The following SNUPN variants were observed in gnomAD, a reference collection of about 807,000 sequenced individuals.
SNUPN encodes snurportin 1.
A neutral mutation model predicts 39.2 loss-of-function variants in SNUPN; 31 were observed. The ratio of observed to expected loss-of-function variants is 0.79; its 90% CI spans 0.59 to 1.07. The LOEUF is 1.07. Ranked by LOEUF, SNUPN falls within the 50% of genes least tolerant of loss-of-function variation. The pLI is 0.00. For missense variants in SNUPN, 382 were observed against 434.2 expected, an observed-to-expected ratio of 0.88 and a Z score of 1.07; for synonymous variants, 132 against 159.0, an observed-to-expected ratio of 0.83 and a Z score of 1.28.
At chr15:75,616,617 G>A (rs1353466046) in intron 3 of SNUPN, among the ~76,000 whole-genome samples, 1 of 152,094 alleles carries the variant, frequency 6.6e-6, no homozygotes, top group East Asian at 1.9e-4. Context: ...AAAGGCAGGG[G>A]AGAATTCTGA....
intron 6 of SNUPN, 132 bp from the exon 7 acceptor site, chr15:75,605,359 T>G (rs972625597): frequency 5.4e-6 from 3 of 554,222 alleles, no homozygotes; most frequent in East Asian, 6.7e-5. Context: ...CAGGCTGGAG[T>G]GCAATGGTAC....
At chr15:75,604,516 A>G (rs1214177347) in intron 7 of SNUPN, among the ~76,000 whole-genome samples, 1 of 152,190 alleles carries the variant, frequency 6.6e-6, no homozygotes, top group African/African-American at 2.4e-5. Context: ...CTGCAGGGCT[A>G]ATAAAATGCC....
chr15:75,617,467 C>G lies in SNUPN; in HGVS notation c.244G>C (p.Asp82His). 6.2e-7 allele frequency: 1 copy of G among 1,614,034 alleles called. No homozygotes were observed. Among genetic ancestry groups the G allele is most frequent in the Non-Finnish European group, 8.5e-7 (1 of 1,180,000 alleles). The change falls in exon 3 of 9, where the codon GAT becomes CAT. Residue 82 changes from aspartate to histidine, a missense_variant. Coordinates refer to ENST00000308588, the MANE Select transcript of SNUPN (RefSeq NM_005701.4). ...GMESEEENKK[D>H]DEEMDIDTVK... ...GTGTCAATGTCCATTTCTTCATCATCTTTCTTATTTTCTTCCTCACTCTCC... is the reference window on the plus strand; with the variant it reads ...GTGTCAATGTCCATTTCTTCATCATGTTTCTTATTTTCTTCCTCACTCTCC...
At chr15:75,624,294 C>T (rs2141382504) in intron 1 of SNUPN, among the ~76,000 whole-genome samples, 1 of 151,410 alleles carries the variant, frequency 6.6e-6, no homozygotes, top group East Asian at 2.0e-4. Flanking sequence ...ATCCAAAGCA[C>T]CTTTATTAGG....
chr15:75,608,568 G>A (rs1284463995), intron 5 of SNUPN, among the ~76,000 whole-genome samples: 1 of 152,158 alleles, frequency 6.6e-6, no homozygotes, highest in Non-Finnish European at 1.5e-5. Context: ...AGAACCTAAG[G>A]TTACAACAAT....
Position 75,603,357 on chromosome 15 carries a change from AT to A in SNUPN, c.678+1792del, listed in dbSNP as rs536509992. ...CTACCGCACTCGGCCTGGCCCAGGT[AT>A]TTTTTTTAAAGCTCTTCACTGGGCC... On this transcript the variant is annotated intron_variant, in intron 7 of 8. Transcript: ENST00000308588. Among the ~76,000 whole-genome samples the A allele has an allele frequency of 2.7e-5, 4 of 146,856 alleles. No homozygotes were observed. The South Asian group carries it at 9.3e-4, about 34-fold the overall frequency.
chr15:75,603,660 C>CA (rs775817247), intron 7 of SNUPN, among the ~76,000 whole-genome samples: 1,156 of 42,876 alleles, frequency 0.027, 11 homozygotes, highest in African/African-American at 0.041. Context: ...GACTCTGTCT[C>CA]AAAAAAAAAA....
At chr15:75,600,426 C>T (rs930658432) in intron 8 of SNUPN, among the ~76,000 whole-genome samples, 1 of 152,038 alleles carries the variant, frequency 6.6e-6, no homozygotes, top group Non-Finnish European at 1.5e-5. Context: ...AGGCATCTGC[C>T]AATACGCCCA....
intron 3 of SNUPN, among the ~76,000 whole-genome samples, chr15:75,610,462 T>A (rs1404888278): frequency 6.6e-6 from 1 of 150,610 alleles, no homozygotes; most frequent in African/African-American, 2.4e-5. Flanking sequence ...CCACCCCATG[T>A]GCTCTAGGGA....
intron 3 of SNUPN, among the ~76,000 whole-genome samples, chr15:75,613,258 C>CAAAAAA (rs905447706): frequency 1.2e-4 from 5 of 40,580 alleles, no homozygotes; most frequent in Admixed American, 3.2e-4. Flanking sequence ...GACTCCATCT[C>CAAAAAA]AAAAAAAAAA....
chr15:75,619,347 A>G (rs927793245), intron 2 of SNUPN, among the ~76,000 whole-genome samples: 1 of 152,046 alleles, frequency 6.6e-6, no homozygotes, highest in East Asian at 1.9e-4. Flanking sequence ...TATGTATAGA[A>G]TATCTTCGGA....
intron 1 of SNUPN, chr15:75,624,737 C>A: frequency 7.8e-7 from 1 of 1,275,656 alleles, no homozygotes. Context: ...CTGTTCTTGG[C>A]GGGTTCCTGC....
chr15:75,617,150 GT>G (rs1421940561), intron 3 of SNUPN, among the ~76,000 whole-genome samples: 1 of 152,216 alleles, frequency 6.6e-6, no homozygotes, highest in African/African-American at 2.4e-5. Flanking sequence ...GCAGCCTTTG[GT>G]AACAGCACAG....
Position 75,619,758 on chromosome 15 carries a change from T to C in SNUPN, c.158+1136A>G, listed in dbSNP as rs562658246. ...CTCTTCTATTTATTTTATTTATTTA[T>C]TTATTTATTTGAGAGAGTCTAGCTG... On this transcript the variant is annotated intron_variant, in intron 2 of 8. Coordinates refer to ENST00000308588, the MANE Select transcript of SNUPN (RefSeq NM_005701.4). Among the ~76,000 whole-genome samples, 5 of 152,220 alleles carry C rather than the reference T, an allele frequency of 3.3e-5. No individual in the cohort carries two copies. The South Asian group carries it at 1.0e-3, about 32-fold the overall frequency.
At chr15:75,622,588 G>A in intron 1 of SNUPN, 1 of 708,144 alleles carries the variant, frequency 1.4e-6, no homozygotes, top group Non-Finnish European at 1.7e-6. Context: ...GGAGAAATCT[G>A]ACTTGCACTG....
intron 7 of SNUPN, among the ~76,000 whole-genome samples, chr15:75,604,543 C>T (rs1188926023): frequency 6.6e-6 from 1 of 152,174 alleles, no homozygotes; most frequent in African/African-American, 2.4e-5. Flanking sequence ...ATAGCTGTCA[C>T]ATATTTAAAT....
intron 3 of SNUPN, among the ~76,000 whole-genome samples, chr15:75,613,471 CG>C (rs1175500518): frequency 6.6e-6 from 1 of 150,684 alleles, no homozygotes; most frequent in East Asian, 2.0e-4. Flanking sequence ...GCTGAAACCC[CG>C]TCTCTACTAA....
chr15:75,625,905 C>T (rs376243137), upstream of SNUPN: 1 of 152,448 alleles, frequency 6.6e-6, no homozygotes, highest in Admixed American at 6.5e-5. Flanking sequence ...GGGAGGGGGT[C>T]TTCTTGCATT....
rs1000062518 is a variant in SNUPN at position 75,603,647 on chromosome 15, C to A, written c.678+1503G>T. 2.3e-5 allele frequency among the ~76,000 whole-genome samples: 3 copies of A among 132,884 alleles called. No individual in the cohort carries two copies. In the South Asian group the frequency reaches 7.0e-4, roughly 31 times the overall value. 87.2% of individuals were successfully genotyped at this position (132,884 alleles called of 152,430 possible). A position where few individuals can be genotyped will look rare whatever the true frequency, so the allele number is the denominator to read the frequency against. On this transcript the variant is annotated intron_variant, in intron 7 of 8. Transcript: ENST00000308588. ...CTGCACTCCAGCCTGGGTGACGGAGCGAGACTCTGTCTCAAAAAAAAAAAA... is the reference window on the plus strand; with the variant it reads ...CTGCACTCCAGCCTGGGTGACGGAGAGAGACTCTGTCTCAAAAAAAAAAAA...
Sources: allele counts gnomAD v4.1 joint callset (sites outside exome capture counted in the v4.1 genomes callset), GRCh38; gene constraint gnomAD v4.1.1; transcripts MANE v1.5; gene names NCBI Gene and HGNC (gene_info 2026-07-23, HGNC 2026-07-21).